Variants in SLC16A12 observed in about 807,000 individuals in gnomAD.
SLC16A12 encodes the protein solute carrier family 16 member 12.
Under a neutral mutation model 42.4 loss-of-function variants are expected in SLC16A12, and 17 were observed. That is an observed-to-expected ratio of 0.40 (90% CI 0.27 to 0.60). SLC16A12 has a LOEUF of 0.60. SLC16A12 is among the 20% of genes least tolerant of loss of function. The pLI is 0.42. For synonymous variants in SLC16A12, 224 were observed against 229.4 expected, an observed-to-expected ratio of 0.98 and a Z score of 0.21; for missense variants, 544 against 623.0, an observed-to-expected ratio of 0.87 and a Z score of 1.35.
At chr10:89,550,834 AG>A (rs1237934577) in intron 2 of SLC16A12, among the ~76,000 whole-genome samples, 1 of 152,106 alleles carries the variant, frequency 6.6e-6, no homozygotes, top group Non-Finnish European at 1.5e-5. Flanking sequence ...CACCTCCCCC[AG>A]GGGTCTAATG....
chr10:89,497,374 C>T (rs971438478), intron 2 of SLC16A12, among the ~76,000 whole-genome samples: 1 of 152,076 alleles, frequency 6.6e-6, no homozygotes, highest in Non-Finnish European at 1.5e-5. Context: ...CAGAGGTTAA[C>T]GTATACTATT....
chr10:89,529,705 G>A lies in SLC16A12; in HGVS notation c.-47+4796C>T, dbSNP rs1056070742. On this transcript the variant is annotated intron_variant, in intron 2 of 7. Transcript: ENST00000371790. ...TGGGATTACAGGCACGTGCCACCAC[G>A]CCCAGCTAATTTTTGTATTTTTAGT... Among the ~76,000 whole-genome samples the A allele has an allele frequency of 7.9e-5, 12 of 152,000 alleles. 1 individual carries two copies. Among genetic ancestry groups the A allele is most frequent in the African/African-American group, 2.4e-4 (10 of 41,480 alleles).
At chr10:89,521,288 C>G (rs1843350689) in intron 2 of SLC16A12, among the ~76,000 whole-genome samples, 1 of 152,202 alleles carries the variant, frequency 6.6e-6, no homozygotes, top group South Asian at 2.1e-4. Flanking sequence ...GTTCCTTACA[C>G]CCCAAAACGT....
intron 2 of SLC16A12, among the ~76,000 whole-genome samples, chr10:89,516,653 T>C (rs1405034056): frequency 6.6e-6 from 1 of 152,210 alleles, no homozygotes; most frequent in Non-Finnish European, 1.5e-5. Context: ...AACTTAACTC[T>C]ATCTGGACAG....
At chr10:89,435,464 G>A (rs561498774) in intron 7 of SLC16A12, among the ~76,000 whole-genome samples, 10 of 152,220 alleles carry the variant, frequency 6.6e-5, no homozygotes, top group East Asian at 5.8e-4. Flanking sequence ...TAGCTCAGGC[G>A]TTTATCAGCT....
chr10:89,514,489 T>C (rs910940425), intron 2 of SLC16A12, among the ~76,000 whole-genome samples: 1 of 152,236 alleles, frequency 6.6e-6, no homozygotes, highest in African/African-American at 2.4e-5. Flanking sequence ...GTGAAGGCAC[T>C]CTTCCTGGCC....
intron 2 of SLC16A12, among the ~76,000 whole-genome samples, chr10:89,509,463 C>A (rs1358859442): frequency 5.9e-5 from 9 of 152,106 alleles, no homozygotes; most frequent in Non-Finnish European, 1.5e-5. Context: ...AAATGTAATC[C>A]ATCACATAAA....
Position 89,530,179 on chromosome 10 carries a change from A to T in SLC16A12, c.-47+4322T>A, listed in dbSNP as rs78259332. On this transcript the variant is annotated intron_variant, in intron 2 of 7. Coordinates refer to ENST00000371790, the MANE Select transcript of SLC16A12 (RefSeq NM_213606.4). Reference sequence around the variant, plus strand: ...TTCCTGCTTCCATTTCTTAAAGAGGATCAGGACCTTATTGGAGCTTGTGAA... The same window carrying T: ...TTCCTGCTTCCATTTCTTAAAGAGGTTCAGGACCTTATTGGAGCTTGTGAA... 0.015 allele frequency among the ~76,000 whole-genome samples: 2,309 copies of T among 152,274 alleles called. 270 individuals carry two copies. The East Asian group carries it at 0.31, about 20-fold the overall frequency.
intron 2 of SLC16A12, among the ~76,000 whole-genome samples, chr10:89,528,592 G>T (rs1281782451): frequency 6.6e-6 from 1 of 151,796 alleles, no homozygotes; most frequent in Non-Finnish European, 1.5e-5. Context: ...TAATGAATGG[G>T]CCCTCTATAG....
intron 2 of SLC16A12, among the ~76,000 whole-genome samples, chr10:89,529,708 C>G (rs776158514): frequency 3.3e-5 from 5 of 152,068 alleles, no homozygotes; most frequent in African/African-American, 7.2e-5. Context: ...CCACCACGCC[C>G]AGCTAATTTT....
intron 6 of SLC16A12, among the ~76,000 whole-genome samples, chr10:89,438,369 T>C (rs940155596): frequency 3.9e-5 from 6 of 152,230 alleles, no homozygotes; most frequent in African/African-American, 1.4e-4. Flanking sequence ...ATAGCAGAGT[T>C]GGGTAGTTAT....
At chr10:89,545,176 A>C (rs1843735827) in intron 2 of SLC16A12, among the ~76,000 whole-genome samples, 1 of 152,198 alleles carries the variant, frequency 6.6e-6, no homozygotes, top group African/African-American at 2.4e-5. Context: ...CTGCAGGTGC[A>C]CAAGTGAGCC....
intron 2 of SLC16A12, among the ~76,000 whole-genome samples, chr10:89,552,417 G>C (rs1334094717): frequency 6.6e-6 from 1 of 152,208 alleles, no homozygotes; most frequent in Non-Finnish European, 1.5e-5. Context: ...CTATTTTGGA[G>C]TTAGGCATCA....
intron 2 of SLC16A12, among the ~76,000 whole-genome samples, chr10:89,516,000 G>A (rs4933507): frequency 5.3e-5 from 8 of 151,924 alleles, no homozygotes; most frequent in Admixed American, 2.6e-4. Flanking sequence ...CTAACTCTAC[G>A]TATATTATAT....
At chr10:89,516,551 T>G (rs1204192732) in intron 2 of SLC16A12, among the ~76,000 whole-genome samples, 1 of 152,246 alleles carries the variant, frequency 6.6e-6, no homozygotes, top group Non-Finnish European at 1.5e-5. Flanking sequence ...TGCAAACTCC[T>G]TCAGACTTGG....
chr10:89,448,487 C>T (rs1260041859), intron 3 of SLC16A12, among the ~76,000 whole-genome samples: 1 of 152,104 alleles, frequency 6.6e-6, no homozygotes, highest in Non-Finnish European at 1.5e-5. Context: ...ACCATATAAA[C>T]AGGACCCAAG....
At chr10:89,539,877 C>CTTTCTTTCTTTCTTTCTTTCTTTCTTTA (rs1554833998), upstream of SLC16A12, among the ~76,000 whole-genome samples, 26 of 144,142 alleles carry the variant, frequency 1.8e-4, no homozygotes, top group Non-Finnish European at 3.6e-4. Context: ...TTCTTTCTTT[C>CTTTCTTTCTTTCTTTCTTTCTTTCTTTA]TTTCTTTCTT....
At chr10:89,465,821 T>C (rs1263679016) in intron 2 of SLC16A12, among the ~76,000 whole-genome samples, 1 of 152,166 alleles carries the variant, frequency 6.6e-6, no homozygotes. Context: ...CCCGTTCCCA[T>C]GTCAGTGAGT....
At chr10:89,482,334 G>A (rs1170314340) in intron 2 of SLC16A12, among the ~76,000 whole-genome samples, 1 of 151,802 alleles carries the variant, frequency 6.6e-6, no homozygotes, top group Admixed American at 6.6e-5. Context: ...GCATTCCAAA[G>A]GCCAGTGTAG....
Sources: gnomAD v4.1 joint callset for allele counts (sites outside exome capture counted in the v4.1 genomes callset) on GRCh38, gnomAD v4.1.1 for gene constraint, MANE v1.5 for transcripts, NCBI Gene and HGNC (gene_info 2026-07-23, HGNC 2026-07-21) for gene names.